Variants in SCAPER observed in about 807,000 individuals in gnomAD.
The protein encoded by SCAPER is S phase cyclin A-associated protein in the endoplasmic reticulum.
A neutral mutation model predicts 182.2 loss-of-function variants in SCAPER; 98 were observed. The ratio of observed to expected loss-of-function variants is 0.54; its 90% confidence interval spans 0.46 to 0.64. The LOEUF is 0.64. SCAPER is among the 30% of genes least tolerant of loss of function. SCAPER has a pLI of 0.00. For synonymous variants in SCAPER, 605 were observed against 564.6 expected (o/e 1.07, Z -1.01); for missense variants, 1,432 against 1,690.0 (o/e 0.85, Z 2.68).
intron 27 of SCAPER, among the ~76,000 whole-genome samples, chr15:76,404,040 A>G (rs2044650751): frequency 6.6e-6 from 1 of 152,198 alleles, no homozygotes. Flanking sequence ...CTATTGTTTT[A>G]GATGGCTCCC....
At chr15:76,752,782 G>T (rs1481492623) in intron 15 of SCAPER, among the ~76,000 whole-genome samples, 1 of 151,588 alleles carries the variant, frequency 6.6e-6, no homozygotes, top group African/African-American at 2.4e-5. Context: ...AGATGAAAAA[G>T]AGTAATGAAG....
intron 15 of SCAPER, among the ~76,000 whole-genome samples, chr15:76,738,581 C>T (rs1051289447): frequency 6.6e-6 from 1 of 150,446 alleles, no homozygotes; most frequent in Admixed American, 6.6e-5. Context: ...GTATGGTTAT[C>T]GATTAATAAC....
At chr15:76,550,617 C>T (rs537107940) in intron 23 of SCAPER, among the ~76,000 whole-genome samples, 40 of 152,042 alleles carry the variant, frequency 2.6e-4, no homozygotes, top group African/African-American at 8.7e-4. Flanking sequence ...GGGTTGATTC[C>T]GTATCTTTTT....
Position 76,777,418 on chromosome 15 carries a change from G to T in SCAPER, c.773-2301C>A, listed in dbSNP as rs570832811. Among the ~76,000 whole-genome samples, 9 of 152,310 alleles carry T rather than the reference G, an allele frequency of 5.9e-5. No homozygotes were observed. In the South Asian group the frequency reaches 8.3e-4, roughly 14 times the overall value. Reference sequence around the variant, plus strand: ...GAAATTTAACGAAAGAAGGTTTGAGGCCAGGGGTGGTGGCACATGCCTGTA... The same window carrying T: ...GAAATTTAACGAAAGAAGGTTTGAGTCCAGGGGTGGTGGCACATGCCTGTA... On this transcript the variant is annotated intron_variant, in intron 8 of 31. Transcript: ENST00000563290.
At chr15:76,444,943 G>A (rs181379440) in intron 25 of SCAPER, among the ~76,000 whole-genome samples, 2 of 152,212 alleles carry the variant, frequency 1.3e-5, no homozygotes, top group East Asian at 3.9e-4. Flanking sequence ...GATTATTATA[G>A]TTTTCAATTA....
intron 22 of SCAPER, among the ~76,000 whole-genome samples, chr15:76,588,982 G>A (rs762878580): frequency 2.0e-5 from 3 of 152,036 alleles, no homozygotes; most frequent in African/African-American, 4.8e-5. Flanking sequence ...GTGGCTTCCC[G>A]AGAGCTGAAC....
chr15:76,692,810 A>C (rs2058449387), intron 20 of SCAPER, among the ~76,000 whole-genome samples: 1 of 151,966 alleles, frequency 6.6e-6, no homozygotes, highest in Non-Finnish European at 1.5e-5. Context: ...AAAAAAAGTC[A>C]AATAATGGAC....
intron 23 of SCAPER, among the ~76,000 whole-genome samples, chr15:76,536,593 AC>A (rs1289567975): frequency 2.0e-5 from 3 of 152,142 alleles, no homozygotes; most frequent in Non-Finnish European, 4.4e-5. Flanking sequence ...TAAAATGCAA[AC>A]CCACAGCCAA....
Position 76,621,791 on chromosome 15 carries a change from G to T in SCAPER, c.2684C>A (p.Ser895Tyr), listed in dbSNP as rs2052088661. The T allele has an allele frequency of 6.2e-7, 1 of 1,608,216 alleles. No individual in the cohort carries two copies. Among genetic ancestry groups the T allele is most frequent in the East Asian group, 2.2e-5 (1 of 44,786 alleles). Reference protein sequence around the residue: ...EYESLMETKNSGSDSPYKAKL... With the variant: ...EYESLMETKNYGSDSPYKAKL... ...TGCTTTATAAGGTGAATCAGAGCCAGAATTTTTGGTTTCCATTAAACTCTC... is the reference window on the plus strand; with the variant it reads ...TGCTTTATAAGGTGAATCAGAGCCATAATTTTTGGTTTCCATTAAACTCTC... Residue 895 changes from serine to tyrosine, a missense_variant, in exon 22 of 32, where the codon TCT (serine) becomes TAT (tyrosine). Physicochemically the swap from Ser to Tyr is moderately radical, Grantham distance 144. Around this residue, in one of 5 missense-constraint regions of SCAPER, gnomAD observed 718 missense variants for 799.7 expected, o/e 0.90. Transcript: ENST00000563290.
intron 5 of SCAPER, among the ~76,000 whole-genome samples, chr15:76,834,698 AT>A (rs2068782775): frequency 6.6e-6 from 1 of 152,166 alleles, no homozygotes; most frequent in Non-Finnish European, 1.5e-5. Flanking sequence ...AATAAACACA[AT>A]TGGCAATGAC....
intron 5 of SCAPER, among the ~76,000 whole-genome samples, chr15:76,832,518 G>C (rs1045282536): frequency 6.6e-6 from 1 of 152,214 alleles, no homozygotes; most frequent in Non-Finnish European, 1.5e-5. Context: ...ATTCCTGAAC[G>C]AGTCAGAGAT....
At chr15:76,819,294 T>G (rs2067328105) in intron 5 of SCAPER, among the ~76,000 whole-genome samples, 1 of 152,188 alleles carries the variant, frequency 6.6e-6, no homozygotes, top group South Asian at 2.1e-4. Flanking sequence ...CCTCCTCAAG[T>G]GGGTCCCTGA....
chr15:76,614,663 T>C (rs1413694568), intron 22 of SCAPER, among the ~76,000 whole-genome samples: 1 of 151,568 alleles, frequency 6.6e-6, no homozygotes, highest in Non-Finnish European at 1.5e-5. Flanking sequence ...TGAGACACAG[T>C]GAAAGAAGGG....
chr15:76,699,228 T>C (rs899396110), intron 20 of SCAPER, among the ~76,000 whole-genome samples: 1 of 152,306 alleles, frequency 6.6e-6, no homozygotes, highest in Middle Eastern at 3.4e-3. Flanking sequence ...GGTTTCACTT[T>C]TTTCATGCTA....
intron 23 of SCAPER, among the ~76,000 whole-genome samples, chr15:76,555,631 A>G (rs554455100): frequency 6.6e-6 from 1 of 152,338 alleles, no homozygotes; most frequent in African/African-American, 2.4e-5. Context: ...CAACGATCAA[A>G]AAAGACAAAG....
At chr15:76,519,127 A>C (rs957335241) in intron 23 of SCAPER, among the ~76,000 whole-genome samples, 2 of 152,228 alleles carry the variant, frequency 1.3e-5, no homozygotes, top group Non-Finnish European at 2.9e-5. Flanking sequence ...GGCAAATATA[A>C]AATCCCTTCC....
At position 76,841,878 on chromosome 15, in the gene SCAPER, A is replaced by C; in HGVS notation, c.249T>G (p.Phe83Leu). Residue 83 changes from phenylalanine to leucine, a missense_variant, in exon 5 of 32, where the codon TTT (phenylalanine) becomes TTG (leucine). Phe to Leu is a conservative substitution (Grantham distance 22). Coordinates refer to ENST00000563290, the MANE Select transcript of SCAPER (RefSeq NM_020843.4). ...GCCTTGTTTTAGTGGGACTTTTATC[A>C]AAGTGTTTATCTCCAGTCGTAGACG... ...ITSSTTGDKHFDKSPTKTRHP... is the reference protein window; with the variant it reads ...ITSSTTGDKHLDKSPTKTRHP... The C allele has an allele frequency of 6.2e-7, 1 of 1,613,924 alleles. No homozygotes were observed. The highest frequency in any genetic ancestry group is 1.3e-5 in the African/African-American group (1 of 75,042).
At chr15:76,786,813 A>G (rs1448028334) in intron 8 of SCAPER, among the ~76,000 whole-genome samples, 3 of 152,242 alleles carry the variant, frequency 2.0e-5, no homozygotes, top group Admixed American at 6.5e-5. Context: ...TGCAGGATAC[A>G]AGACCAACAC....
chr15:76,462,835 C>T lies in SCAPER; in HGVS notation c.3078+8377G>A, dbSNP rs115318572. 8.2e-3 allele frequency among the ~76,000 whole-genome samples: 1,243 copies of T among 152,170 alleles called. 12 individuals carry two copies. The highest frequency in any genetic ancestry group is 0.028 in the African/African-American group (1,179 of 41,508). Reference sequence around the variant, plus strand: ...ACACAACATCCCTTAACTGTTCTCACCAACTTTAAAAATGGGCAGTCCGTT... The same window carrying T: ...ACACAACATCCCTTAACTGTTCTCATCAACTTTAAAAATGGGCAGTCCGTT... On this transcript the variant is annotated intron_variant, in intron 25 of 31. Transcript: ENST00000563290.
Sources: gnomAD v4.1 joint callset for allele counts (sites outside exome capture counted in the v4.1 genomes callset) on GRCh38, gnomAD v4.1.1 for gene constraint, gnomAD v4.1.1 regional missense constraint, MANE v1.5 for transcripts, NCBI Gene and HGNC (gene_info 2026-07-23, HGNC 2026-07-21) for gene names.